The following TTC29 variants were observed in gnomAD, a reference collection of about 807,000 sequenced individuals.
TTC29 encodes tetratricopeptide repeat protein 29.
TTC29 carries 49 observed loss-of-function variants against 58.1 expected under a neutral mutation model. That is an observed-to-expected ratio of 0.84 (90% CI 0.67 to 1.07). The LOEUF (loss-of-function observed/expected upper bound fraction) is 1.07. Ranked by LOEUF, TTC29 falls within the 50% of genes least tolerant of loss-of-function variation. The pLI is 0.00. For synonymous variants in TTC29, 209 were observed against 196.8 expected, an observed-to-expected ratio of 1.06 and a Z score of -0.52; for missense variants, 582 against 555.6, an observed-to-expected ratio of 1.05 and a Z score of -0.48.
At chr4:146,780,327 G>A (rs1013671456) in intron 11 of TTC29, among the ~76,000 whole-genome samples, 14 of 151,242 alleles carry the variant, frequency 9.3e-5, no homozygotes, top group Non-Finnish European at 1.6e-4. Context: ...GTGTGTGTGT[G>A]TGTGTGTGTG....
chr4:146,781,108 G>C (rs1243151523), intron 11 of TTC29, among the ~76,000 whole-genome samples: 2 of 151,892 alleles, frequency 1.3e-5, no homozygotes, highest in African/African-American at 4.8e-5. Context: ...GACATGCTTT[G>C]TTATAAAAAT....
At chr4:146,905,222 T>C (rs1189216407) in intron 5 of TTC29, among the ~76,000 whole-genome samples, 1 of 152,040 alleles carries the variant, frequency 6.6e-6, no homozygotes. Context: ...CTAAAGTCTG[T>C]TTTGTAATAT....
chr4:146,916,591 T>C (rs928787669), intron 4 of TTC29, among the ~76,000 whole-genome samples: 2 of 151,594 alleles, frequency 1.3e-5, no homozygotes, highest in Admixed American at 6.6e-5. Flanking sequence ...CTTCAAAATA[T>C]AGCAAGAAAG....
At chr4:146,884,031 T>C (rs929050615) in intron 6 of TTC29, among the ~76,000 whole-genome samples, 1 of 152,108 alleles carries the variant, frequency 6.6e-6, no homozygotes, top group Non-Finnish European at 1.5e-5. Flanking sequence ...TTCTTTAACA[T>C]AGATCAAACA....
chr4:146,762,094 C>A (rs559577348), intron 11 of TTC29, among the ~76,000 whole-genome samples: 13 of 151,786 alleles, frequency 8.6e-5, no homozygotes, highest in South Asian at 6.2e-4. Flanking sequence ...CCTTTCATTT[C>A]GTCTCTTATT....
chr4:146,708,839 A>G (rs996020733), intron 11 of TTC29, among the ~76,000 whole-genome samples: 7 of 151,978 alleles, frequency 4.6e-5, no homozygotes, highest in Non-Finnish European at 7.4e-5. Flanking sequence ...TTCTTGCTCT[A>G]ACAGAAATTT....
At chr4:146,737,595 G>C (rs759471788) in intron 11 of TTC29, among the ~76,000 whole-genome samples, 3,015 of 147,186 alleles carry the variant, frequency 0.02, 85 homozygotes, top group Middle Eastern at 0.052. Flanking sequence ...AGCCCTGGGG[G>C]GGGGGGGGCT....
chr4:146,789,844 G>A lies in TTC29; in HGVS notation c.1330+13613C>T, dbSNP rs572475195. Among the ~76,000 whole-genome samples, 31 of 151,912 alleles carry A rather than the reference G, an allele frequency of 2.0e-4. No homozygotes were observed. In the South Asian group the frequency reaches 3.1e-3, roughly 15 times the overall value. On this transcript the variant is annotated intron_variant, in intron 11 of 12. Coordinates refer to ENST00000325106, the MANE Select transcript of TTC29 (RefSeq NM_031956.4). ...AGCTATTCTTCACACAGCAGCCAAG[G>A]TGATCTTTCTTTTTGGAAAGTTAGA...
chr4:146,872,489 T>G (rs1462371740), intron 7 of TTC29, among the ~76,000 whole-genome samples: 1 of 151,840 alleles, frequency 6.6e-6, no homozygotes, highest in African/African-American at 2.4e-5. Flanking sequence ...AAATCGTATA[T>G]CTGATGAAAG....
chr4:146,743,524 G>A (rs902325313), intron 11 of TTC29, among the ~76,000 whole-genome samples: 4 of 152,106 alleles, frequency 2.6e-5, no homozygotes, highest in African/African-American at 9.7e-5. Context: ...TTTTAAAGAC[G>A]ACAAAGCATG....
At chr4:146,918,336 A>G (rs1406268945) in intron 4 of TTC29, among the ~76,000 whole-genome samples, 2 of 151,130 alleles carry the variant, frequency 1.3e-5, no homozygotes, top group Admixed American at 6.6e-5. Flanking sequence ...TAGTACTATC[A>G]CTAATATAAC....
intron 7 of TTC29, among the ~76,000 whole-genome samples, chr4:146,870,595 G>T (rs953982565): frequency 4.0e-5 from 6 of 151,708 alleles, no homozygotes; most frequent in Admixed American, 1.3e-4. Context: ...TGTTTAGTTA[G>T]ACCAAACAAA....
At chr4:146,917,623 A>C (rs980934246) in intron 4 of TTC29, among the ~76,000 whole-genome samples, 5 of 145,070 alleles carry the variant, frequency 3.4e-5, no homozygotes, top group African/African-American at 7.4e-5. Context: ...ATATATAATT[A>C]GATATTATAT....
chr4:146,879,917 A>G (rs1201599557), intron 6 of TTC29, among the ~76,000 whole-genome samples: 1 of 152,174 alleles, frequency 6.6e-6, no homozygotes, highest in Non-Finnish European at 1.5e-5. Flanking sequence ...GAGTTTTATC[A>G]TGGTGCACCA....
intron 4 of TTC29, 27 bp from the exon 5 acceptor site, chr4:146,909,276 A>G (rs1733741374): frequency 7.9e-6 from 12 of 1,525,820 alleles, no homozygotes; most frequent in Non-Finnish European, 1.1e-5. Context: ...GAACACTCTC[A>G]GGTTTATGTT....
intron 8 of TTC29, among the ~76,000 whole-genome samples, chr4:146,841,015 A>G (rs184963521): frequency 4.3e-4 from 66 of 152,316 alleles, no homozygotes; most frequent in African/African-American, 1.5e-3. Context: ...TTAAAGAACA[A>G]ACTTTCAAAT....
chr4:146,787,715 T>G (rs957591249), intron 11 of TTC29, among the ~76,000 whole-genome samples: 3 of 152,152 alleles, frequency 2.0e-5, no homozygotes, highest in African/African-American at 4.8e-5. Context: ...AGGCAGCCAG[T>G]GGGAGGGTAT....
chr4:146,906,932 G>A (rs1733559307), intron 5 of TTC29, among the ~76,000 whole-genome samples: 2 of 152,118 alleles, frequency 1.3e-5, no homozygotes, highest in Admixed American at 1.3e-4. Flanking sequence ...GACCAGCCTG[G>A]CCAACATGGT....
chr4:146,870,428 A>G (rs887997740), intron 7 of TTC29, among the ~76,000 whole-genome samples: 8 of 151,896 alleles, frequency 5.3e-5, no homozygotes, highest in Non-Finnish European at 1.0e-4. Flanking sequence ...CACCTTATAA[A>G]ACTAGAAAAA....
Sources: allele counts gnomAD v4.1 joint callset (sites outside exome capture counted in the v4.1 genomes callset), GRCh38; gene constraint gnomAD v4.1.1; transcripts MANE v1.5; gene names NCBI Gene and HGNC (gene_info 2026-07-23, HGNC 2026-07-21).